Variants in ZC3H4 observed in about 807,000 individuals in gnomAD.
The protein encoded by ZC3H4 is zinc finger CCCH-type containing 4, also known as zinc finger CCCH domain-containing protein 4.
In ZC3H4, 13 loss-of-function variants were observed where a neutral mutation model predicts 108.3. That is an observed-to-expected ratio of 0.12 (90% CI 0.08 to 0.19). ZC3H4 has a LOEUF of 0.19. Ranked by LOEUF, ZC3H4 falls within the 10% of genes least tolerant of loss-of-function variation. ZC3H4 has a pLI of 1.00. For missense variants in ZC3H4, 1,734 were observed against 1,838.8 expected (o/e 0.94, Z 1.04); for synonymous variants, 917 against 749.6 (o/e 1.22, Z -3.65).
chr19:47,112,461 G>A lies in ZC3H4; in HGVS notation c.124C>T (p.His42Tyr), dbSNP rs757268828. The change falls in exon 2 of 15, where the codon CAC becomes TAC. Residue 42 changes from histidine to tyrosine, a missense_variant. Physicochemically the swap from His to Tyr is moderately conservative, Grantham distance 83 (BLOSUM62 2). Transcript: ENST00000253048. The stretch of plus-strand genomic sequence containing the variant: ...AGCGGGAGGCGGTGGTGGAGGAGGT[G>A]CGGGGTGGCCGGGCGGGCGTCGGGG... ...CSPDARPATPHLLHHRLPLPD... is the reference protein window; with the variant it reads ...CSPDARPATPYLLHHRLPLPD... 6.5e-5 allele frequency: 80 copies of A among 1,228,200 alleles called. No homozygotes were observed. Among genetic ancestry groups the A allele is most frequent in the Non-Finnish European group, 8.2e-5 (80 of 978,200 alleles). The allele number at this position is 1,228,200 out of a possible 1,614,324, so 76.1% of individuals were successfully genotyped here.
chr19:47,066,269 TC>T lies in ZC3H4; in HGVS notation c.*86del. The T allele has an allele frequency of 9.1e-7, 1 of 1,097,210 alleles. No homozygotes were observed. The highest frequency in any genetic ancestry group is 1.2e-6 in the Non-Finnish European group (1 of 814,070). The allele number at this position is 1,097,210 out of a possible 1,614,324, so 68.0% of individuals were successfully genotyped here. A position where few individuals can be genotyped will look rare whatever the true frequency, so the allele number is the denominator to read the frequency against. ...AGAAAAAAGGAACACCCAGCCTGCCTCCCCTTGCCCCCAAGTTCCCTACCCT... is the reference window on the plus strand; with the variant it reads ...AGAAAAAAGGAACACCCAGCCTGCCTCCCTTGCCCCCAAGTTCCCTACCCT... On this transcript the variant is annotated 3_prime_UTR_variant, in exon 15 of 15. Coordinates refer to ENST00000253048, the MANE Select transcript of ZC3H4 (RefSeq NM_015168.2).
chr19:47,073,952 T>TGACCC (rs2122743694), intron 11 of ZC3H4, among the ~76,000 whole-genome samples: 1 of 152,340 alleles, frequency 6.6e-6, no homozygotes, highest in South Asian at 2.1e-4. Context: ...CTCCTGACCA[T>TGACCC]GACCCTTAGG....
chr19:47,075,435 C>T (rs1013122078), intron 11 of ZC3H4, among the ~76,000 whole-genome samples: 2 of 152,026 alleles, frequency 1.3e-5, no homozygotes, highest in Non-Finnish European at 2.9e-5. Context: ...GCTGCAGCTG[C>T]CACCCTGCAT....
Position 47,070,103 on chromosome 19 carries a change from G to C in ZC3H4, c.2147-760C>G, listed in dbSNP as rs182119290. ...TGCATGTTGCGTGTGTGACACATGT[G>C]AGCATGGGAGACATCGAATCACCGA... On this transcript the variant is annotated intron_variant, in intron 13 of 14. Coordinates refer to ENST00000253048, the MANE Select transcript of ZC3H4 (RefSeq NM_015168.2). 1.1e-4 allele frequency among the ~76,000 whole-genome samples: 16 copies of C among 152,020 alleles called. No homozygotes were observed. In the East Asian group the frequency reaches 3.1e-3, roughly 29 times the overall value.
At chr19:47,087,320 GAATAT>G (rs2057648593) in intron 5 of ZC3H4, among the ~76,000 whole-genome samples, 1 of 150,066 alleles carries the variant, frequency 6.7e-6, no homozygotes, top group South Asian at 2.1e-4. Context: ...AAATGAGAAA[GAATAT>G]AAAATATCTC....
rs776147257 is a variant in ZC3H4 at position 47,085,144 on chromosome 19, C to G, written c.1019G>C (p.Gly340Ala). The G allele has an allele frequency of 6.2e-7, 1 of 1,613,306 alleles. No individual in the cohort carries two copies. The highest frequency in any genetic ancestry group is 8.5e-7 in the Non-Finnish European group (1 of 1,179,756). ...GCTGCCACCTCGGCCTCGGCCCCGACCCATTCCTTTCCCTCGACCTCGGGA... is the reference window on the plus strand; with the variant it reads ...GCTGCCACCTCGGCCTCGGCCCCGAGCCATTCCTTTCCCTCGACCTCGGGA... ...RGSRGRGKGM[G>A]RGRGRGGSRG... Residue 340 changes from glycine to alanine, a missense_variant, in exon 8 of 15, where the codon GGT becomes GCT. Physicochemically the swap from Gly to Ala is moderately conservative, Grantham distance 60. Around this residue, in one of 9 missense-constraint regions of ZC3H4, gnomAD observed 403 missense variants for 457.0 expected, o/e 0.88. Transcript: ENST00000253048.
At chr19:47,109,892 A>C (rs2058015842) in intron 2 of ZC3H4, among the ~76,000 whole-genome samples, 1 of 152,160 alleles carries the variant, frequency 6.6e-6, no homozygotes. Context: ...CATCAGAAGT[A>C]CAGTGTTTGG....
At position 47,066,252 on chromosome 19, in the gene ZC3H4, G is replaced by A. The variant is rs1468120272; in HGVS notation, c.*104C>T. 9.2e-6 allele frequency: 8 copies of A among 867,064 alleles called. No individual in the cohort carries two copies. Among genetic ancestry groups the A allele is most frequent in the Non-Finnish European group, 1.2e-5 (7 of 606,254 alleles). The allele number at this position is 867,064 out of a possible 1,614,324, so 53.7% of individuals were successfully genotyped here. Reference sequence around the variant, plus strand: ...AGCAAAAGAAAAAGAAAAGAAAAAAGGAACACCCAGCCTGCCTCCCCTTGC... The same window carrying A: ...AGCAAAAGAAAAAGAAAAGAAAAAAAGAACACCCAGCCTGCCTCCCCTTGC... On this transcript the variant is annotated 3_prime_UTR_variant, in exon 15 of 15. Coordinates refer to ENST00000253048, the MANE Select transcript of ZC3H4 (RefSeq NM_015168.2).
intron 5 of ZC3H4, among the ~76,000 whole-genome samples, chr19:47,089,711 C>CA (rs1555782817): frequency 1.8e-4 from 27 of 152,150 alleles, no homozygotes; most frequent in East Asian, 3.9e-4. Context: ...CTTCTCCCCC[C>CA]ACAGCTGACC....
At position 47,067,486 on chromosome 19, in the gene ZC3H4, C is replaced by G; in HGVS notation, c.2782G>C (p.Gly928Arg). The change falls in exon 15 of 15, where the codon GGG (glycine) becomes CGG (arginine). Residue 928 changes from glycine to arginine, a missense_variant. Gly to Arg is a moderately radical substitution (Grantham distance 125, BLOSUM62 -2). Coordinates refer to ENST00000253048, the MANE Select transcript of ZC3H4 (RefSeq NM_015168.2). This position sits in a 1 kb window ranked among gnomAD's most constrained non-coding sequence, Gnocchi z 6.4. ...SGPPPTEEEE[G>R]ERALREKAVN... ...GCCTTCTCCCGCAGGGCCCGCTCCC[C>G]TTCCTCCTCCTCCGTTGGGGGCGGC... 6.3e-7 allele frequency: 1 copy of G among 1,582,362 alleles called. No individual in the cohort carries two copies.
chr19:47,095,448 G>T (rs1385634124), intron 2 of ZC3H4, among the ~76,000 whole-genome samples: 3 of 152,064 alleles, frequency 2.0e-5, no homozygotes, highest in African/African-American at 7.2e-5. Flanking sequence ...CCTCCTGAGG[G>T]CCTCACATGA....
chr19:47,067,310 G>T lies in ZC3H4; in HGVS notation c.2958C>A (p.Pro986=), dbSNP rs1273380707. ...CTGCGTCCTGCTTGGGGATGGGTAG[G>T]GGGATCAGGTCCTCGGGATTCCAGA... ...TVLWNPEDLI[P]LPIPKQDAVP... is the part of the protein sequence containing the mutation. Residue 986 remains proline, a synonymous_variant, in exon 15 of 15, where the codon CCC becomes CCA. Coordinates refer to ENST00000253048, the MANE Select transcript of ZC3H4 (RefSeq NM_015168.2). The surrounding 1 kb of genome is among the most constrained non-coding windows in gnomAD (Gnocchi z 6.4). The T allele has an allele frequency of 2.5e-6, 4 of 1,595,266 alleles. No homozygotes were observed. Among genetic ancestry groups the T allele is most frequent in the Non-Finnish European group, 3.4e-6 (4 of 1,169,750 alleles).
chr19:47,067,175 C>G lies in ZC3H4; in HGVS notation c.3093G>C (p.Thr1031=). ...PNARQRPGAS[T]DSSTQGANLP... is the part of the protein sequence containing the mutation. The stretch of plus-strand genomic sequence containing the variant: ...GGTTGGCGCCCTGTGTGCTGGAATC[C>G]GTGGAGGCGCCCGGGCGCTGCCGGG... Residue 1031 remains threonine, a synonymous_variant, in exon 15 of 15, where the codon ACG becomes ACC. Coordinates refer to ENST00000253048, the MANE Select transcript of ZC3H4 (RefSeq NM_015168.2). The surrounding 1 kb of genome is among the most constrained non-coding windows in gnomAD (Gnocchi z 6.4). The G allele has an allele frequency of 1.2e-6, 2 of 1,611,330 alleles. No homozygotes were observed. Among genetic ancestry groups the G allele is most frequent in the Non-Finnish European group, 1.7e-6 (2 of 1,178,574 alleles).
chr19:47,089,827 C>T, intron 5 of ZC3H4, 140 bp downstream of exon 5: 1 of 847,932 alleles, frequency 1.2e-6, no homozygotes, highest in Non-Finnish European at 1.8e-6. Context: ...CTGTGCCATG[C>T]ACATGCAGAG....
chr19:47,076,441 G>C (rs1341898859), intron 11 of ZC3H4, among the ~76,000 whole-genome samples: 1 of 152,224 alleles, frequency 6.6e-6, no homozygotes, highest in Non-Finnish European at 1.5e-5. Flanking sequence ...ACGGTTGCCA[G>C]GCACTGGAGA....
At chr19:47,071,683 G>T in intron 13 of ZC3H4, 95 bp downstream of exon 13, 1 of 1,332,672 alleles carries the variant, frequency 7.5e-7, no homozygotes, top group Non-Finnish European at 1.0e-6. Flanking sequence ...CTTTCAAAGA[G>T]ACTTGGACGA....
In ZC3H4 at chr19:47,066,216, AAG is replaced by A. The variant is rs1352463917; in HGVS notation, c.*138_*139del. ...AAAGTACTACTTTAAAAAAAAATAA[AAG>A]AGACGGAAAGCAAAAGAAAAAGAAA... On this transcript the variant is annotated 3_prime_UTR_variant, in exon 15 of 15. Transcript: ENST00000253048. The A allele has an allele frequency of 3.2e-6, 2 of 632,634 alleles. No homozygotes were observed. The highest frequency in any genetic ancestry group is 3.7e-5 in the Admixed American group (1 of 26,826). The allele number at this position is 632,634 out of a possible 1,614,324, so 39.2% of individuals were successfully genotyped here. A position where few individuals can be genotyped will look rare whatever the true frequency, so the allele number is the denominator to read the frequency against.
intron 2 of ZC3H4, among the ~76,000 whole-genome samples, chr19:47,099,235 G>A (rs1321745875): frequency 1.1e-4 from 16 of 151,996 alleles, no homozygotes; most frequent in Non-Finnish European, 1.6e-4. Context: ...CGAGGTGGGC[G>A]GATCACCTGA....
intron 2 of ZC3H4, among the ~76,000 whole-genome samples, chr19:47,103,510 G>A (rs145775149): frequency 0.013 from 2,020 of 152,048 alleles, 27 homozygotes; most frequent in Middle Eastern, 0.048. Context: ...CAGGCCGGGC[G>A]CAGTGGCTCA....
Sources: allele counts gnomAD v4.1 joint callset (sites outside exome capture counted in the v4.1 genomes callset), GRCh38; gene constraint gnomAD v4.1.1; regional missense constraint gnomAD v4.1.1; non-coding constraint Gnocchi (gnomAD v3.1); transcripts MANE v1.5; gene names NCBI Gene and HGNC (gene_info 2026-07-23, HGNC 2026-07-21).